The following GPHN variants were observed in gnomAD, a reference collection of about 807,000 sequenced individuals.
GPHN encodes the protein gephyrin.
Under a neutral mutation model 95.5 loss-of-function variants are expected in GPHN, and 17 were observed. The ratio of observed to expected loss-of-function variants is 0.18; its 90% confidence interval spans 0.12 to 0.27. The LOEUF is 0.27. GPHN is among the 10% of genes least tolerant of loss of function. The pLI is 1.00. For synonymous variants in GPHN, 320 were observed against 322.5 expected (o/e 0.99, Z 0.08); for missense variants, 660 against 978.1 (o/e 0.67, Z 4.34).
intron 1 of GPHN, among the ~76,000 whole-genome samples, chr14:66,532,291 T>C (rs1314719421): frequency 2.0e-5 from 3 of 152,140 alleles, no homozygotes; most frequent in African/African-American, 7.2e-5. Flanking sequence ...TCAACTGGGA[T>C]TGTTGGCCAG....
At chr14:67,015,747 C>T (rs1035809263) in intron 9 of GPHN, among the ~76,000 whole-genome samples, 1 of 151,994 alleles carries the variant, frequency 6.6e-6, no homozygotes, top group Non-Finnish European at 1.5e-5. Flanking sequence ...TATCAGTGAG[C>T]AATAAATGAC....
At chr14:66,819,193 T>C (rs1258764560) in intron 3 of GPHN, among the ~76,000 whole-genome samples, 1 of 152,220 alleles carries the variant, frequency 6.6e-6, no homozygotes, top group Non-Finnish European at 1.5e-5. Flanking sequence ...ATTGCCTAGG[T>C]TGTCTTCCAG....
intron 8 of GPHN, among the ~76,000 whole-genome samples, chr14:66,927,514 A>G (rs531938852): frequency 2.3e-4 from 35 of 152,008 alleles, no homozygotes; most frequent in African/African-American, 8.4e-4. Flanking sequence ...TTCCTTTCCA[A>G]TTTGGGTGCT....
chr14:67,603,217 A>G, the GPHN span, among the ~76,000 whole-genome samples: 1 of 152,008 alleles, frequency 6.6e-6, no homozygotes, highest in African/African-American at 2.4e-5. Flanking sequence ...CTACAGGCAC[A>G]CTCTACCACA....
chr14:66,676,151 C>T (rs1389733443), intron 1 of GPHN, among the ~76,000 whole-genome samples: 1 of 151,934 alleles, frequency 6.6e-6, no homozygotes, highest in African/African-American at 2.4e-5. Context: ...TTTTTCAACC[C>T]CAACCTCCCC....
the GPHN span, chr14:67,383,622 A>G: frequency 7.9e-5 from 61 of 775,928 alleles, no homozygotes; most frequent in Admixed American, 1.4e-3. Context: ...CTGTTGTCAC[A>G]CAGTAGCTCC....
chr14:67,109,678 C>T (rs2078257666), intron 13 of GPHN, among the ~76,000 whole-genome samples: 1 of 152,064 alleles, frequency 6.6e-6, no homozygotes, highest in African/African-American at 2.4e-5. Context: ...CTTTATTTAA[C>T]CAAAAAGTTT....
chr14:67,045,505 T>C (rs1383215332), intron 10 of GPHN, among the ~76,000 whole-genome samples: 1 of 149,970 alleles, frequency 6.7e-6, no homozygotes, highest in Non-Finnish European at 1.5e-5. Context: ...GTCTTTGTCT[T>C]TCTCTGTCTG....
At chr14:67,440,488 G>A in the GPHN span, among the ~76,000 whole-genome samples, 4 of 152,058 alleles carry the variant, frequency 2.6e-5, no homozygotes, top group East Asian at 1.9e-4. Context: ...CGGACTGGGC[G>A]CGTGGCTCAC....
the GPHN span, among the ~76,000 whole-genome samples, chr14:67,378,089 C>T: frequency 6.6e-6 from 1 of 151,352 alleles, no homozygotes; most frequent in Non-Finnish European, 1.5e-5. Context: ...CACCACTGCA[C>T]TCTAGTCTGG....
At chr14:66,526,601 T>A (rs1343395665) in intron 1 of GPHN, among the ~76,000 whole-genome samples, 1 of 152,214 alleles carries the variant, frequency 6.6e-6, no homozygotes, top group Non-Finnish European at 1.5e-5. Flanking sequence ...TTCAGTATGA[T>A]GTTGGCTGTG....
intron 1 of GPHN, among the ~76,000 whole-genome samples, chr14:66,641,201 A>G (rs143986681): frequency 6.6e-6 from 1 of 152,316 alleles, no homozygotes; most frequent in African/African-American, 2.4e-5. Context: ...TGCAAAAATG[A>G]TACACATTCA....
chr14:66,616,729 G>A (rs886909493), intron 1 of GPHN, among the ~76,000 whole-genome samples: 8 of 151,552 alleles, frequency 5.3e-5, no homozygotes, highest in Non-Finnish European at 5.9e-5. Context: ...TTTTTTAGAC[G>A]GAGTCTCGCT....
chr14:67,317,004 AAG>A, the GPHN span: 2 of 894,948 alleles, frequency 2.2e-6, no homozygotes, highest in South Asian at 1.7e-5. Context: ...TACTCAGGGA[AAG>A]AGTGATACAA....
chr14:67,230,885 C>T, the GPHN span, among the ~76,000 whole-genome samples: 5 of 152,212 alleles, frequency 3.3e-5, no homozygotes, highest in Non-Finnish European at 7.3e-5. Flanking sequence ...ATAAATAATT[C>T]ATAGGTTTTA....
chr14:66,953,974 G>A (rs148051301), intron 8 of GPHN, among the ~76,000 whole-genome samples: 25 of 151,274 alleles, frequency 1.7e-4, no homozygotes, highest in African/African-American at 6.1e-4. Flanking sequence ...GGCGGAGGTT[G>A]CAGTGAGCCA....
the GPHN span, among the ~76,000 whole-genome samples, chr14:67,305,718 CAG>C: frequency 6.6e-6 from 1 of 152,132 alleles, no homozygotes. Flanking sequence ...GTATGCAAAA[CAG>C]AATATCAAAG....
chr14:66,920,236 G>C (rs1307991141), intron 6 of GPHN, among the ~76,000 whole-genome samples: 1 of 152,196 alleles, frequency 6.6e-6, no homozygotes, highest in African/African-American at 2.4e-5. Context: ...AATCATTTAA[G>C]AGTTGTAGAA....
At chr14:67,235,168 A>AC in the GPHN span, among the ~76,000 whole-genome samples, 1 of 151,328 alleles carries the variant, frequency 6.6e-6, no homozygotes. Flanking sequence ...AAAAAAAAAA[A>AC]GTTCAGGCCA....
Sources: allele counts gnomAD v4.1 joint callset (sites outside exome capture counted in the v4.1 genomes callset), GRCh38; gene constraint gnomAD v4.1.1; transcripts MANE v1.5; gene names NCBI Gene and HGNC (gene_info 2026-07-23, HGNC 2026-07-21).